Variants in ADAMTSL1 observed in about 807,000 individuals in gnomAD.
The protein encoded by ADAMTSL1 is ADAMTS-like protein 1.
A neutral mutation model predicts 201.8 loss-of-function variants in ADAMTSL1; 126 were observed. That is an observed-to-expected ratio of 0.62 (90% CI 0.54 to 0.72). The LOEUF (loss-of-function observed/expected upper bound fraction) is 0.72, where lower values mean the gene tolerates loss of function less well. ADAMTSL1 is among the 30% of genes least tolerant of loss of function. ADAMTSL1 has a pLI of 0.00. For synonymous variants in ADAMTSL1, 1,121 were observed against 903.4 expected, an observed-to-expected ratio of 1.24 and a Z score of -4.32; for missense variants, 2,679 against 2,277.8, an observed-to-expected ratio of 1.18 and a Z score of -3.59.
intron 2 of ADAMTSL1, among the ~76,000 whole-genome samples, chr9:18,436,083 A>C (rs1328356239): frequency 1.3e-5 from 2 of 152,232 alleles, no homozygotes; most frequent in African/African-American, 4.8e-5. Flanking sequence ...AGCAAGAACC[A>C]GATTTAACAG....
chr9:18,039,656 G>T (rs1187901241), intron 1 of ADAMTSL1, among the ~76,000 whole-genome samples: 1 of 152,054 alleles, frequency 6.6e-6, no homozygotes, highest in South Asian at 2.1e-4. Context: ...TTTAGACTGG[G>T]AAAAGTCAAG....
intron 2 of ADAMTSL1, among the ~76,000 whole-genome samples, chr9:18,521,417 C>G (rs933046050): frequency 1.5e-4 from 23 of 150,970 alleles, no homozygotes; most frequent in African/African-American, 5.6e-4. Flanking sequence ...CTTCTGCACC[C>G]CATAAATACA....
chr9:17,950,747 A>G (rs1046675570), intron 1 of ADAMTSL1, among the ~76,000 whole-genome samples: 10 of 152,266 alleles, frequency 6.6e-5, no homozygotes, highest in Middle Eastern at 3.4e-3. Context: ...CTGAAAACAG[A>G]TGGCACGGCA....
At chr9:18,484,509 T>C (rs1257008404) in intron 1 of ADAMTSL1, among the ~76,000 whole-genome samples, 1 of 152,202 alleles carries the variant, frequency 6.6e-6, no homozygotes, top group Non-Finnish European at 1.5e-5. Context: ...AACCTAAGCT[T>C]AATGGGTGTA....
chr9:18,552,749 G>A (rs114905024), intron 3 of ADAMTSL1, among the ~76,000 whole-genome samples: 63 of 151,690 alleles, frequency 4.2e-4, no homozygotes, highest in African/African-American at 1.5e-3. Context: ...TTCTGAAGAA[G>A]CTAATCTTTC....
Position 18,425,993 on chromosome 9 carries a change from C to T in ADAMTSL1, c.208-78836C>T, listed in dbSNP as rs16936673. ...GAGAGAAAAATTTCCCAGAAAAGTG[C>T]CAACCCGTTTAGCATCAGATGTGGG... On this transcript the variant is annotated intron_variant, in intron 2 of 29. Coordinates refer to the ADAMTSL1 transcript ENST00000680146. 1.0e-2 allele frequency among the ~76,000 whole-genome samples: 1,520 copies of T among 152,142 alleles called. 29 individuals are homozygous for T. Among genetic ancestry groups the T allele is most frequent in the African/African-American group, 0.036 (1,480 of 41,508 alleles).
Position 18,287,833 on chromosome 9 carries a change from A to G in ADAMTSL1, c.207+123852A>G, listed in dbSNP as rs149562066. Among the ~76,000 whole-genome samples, 31 of 152,322 alleles carry G rather than the reference A, an allele frequency of 2.0e-4. No homozygotes were observed. The East Asian group carries it at 5.8e-3, about 28-fold the overall frequency. ...CATAGTGGAACACTAATATAATCAT[A>G]GTAAATTATATTACTGTCAAACTAT... On this transcript the variant is annotated intron_variant, in intron 2 of 29. Transcript: ENST00000680146.
At chr9:17,922,086 G>GT (rs1826325317) in intron 1 of ADAMTSL1, among the ~76,000 whole-genome samples, 17 of 42,666 alleles carry the variant, frequency 4.0e-4, no homozygotes, top group South Asian at 1.3e-3. Flanking sequence ...TGCAGTTCAG[G>GT]CTTTTTTTTT....
At chr9:18,671,938 G>A (rs775512219) in intron 9 of ADAMTSL1, among the ~76,000 whole-genome samples, 2 of 152,196 alleles carry the variant, frequency 1.3e-5, no homozygotes, top group African/African-American at 4.8e-5. Flanking sequence ...TCAGGAGGCC[G>A]AGGCAGGAGA....
chr9:18,058,454 A>G (rs1443072468), intron 1 of ADAMTSL1, among the ~76,000 whole-genome samples: 1 of 152,252 alleles, frequency 6.6e-6, no homozygotes, highest in Non-Finnish European at 1.5e-5. Context: ...GATAAATATT[A>G]CATCGCATTG....
At chr9:18,240,400 A>G (rs1250500883) in intron 2 of ADAMTSL1, among the ~76,000 whole-genome samples, 1 of 151,674 alleles carries the variant, frequency 6.6e-6, no homozygotes, top group Non-Finnish European at 1.5e-5. Context: ...TTAGTAAACC[A>G]TGCTATAAAT....
intron 3 of ADAMTSL1, among the ~76,000 whole-genome samples, chr9:18,566,535 A>T (rs1452260437): frequency 6.6e-6 from 1 of 152,194 alleles, no homozygotes; most frequent in African/African-American, 2.4e-5. Context: ...TAGGCAGCCT[A>T]AGCTTTGTGG....
chr9:18,874,841 G>A (rs1203004838), intron 23 of ADAMTSL1, among the ~76,000 whole-genome samples: 2 of 152,030 alleles, frequency 1.3e-5, no homozygotes, highest in African/African-American at 4.8e-5. Context: ...AGTAGGATTG[G>A]TACTAACTGT....
intron 2 of ADAMTSL1, among the ~76,000 whole-genome samples, chr9:18,175,075 T>C (rs1244247732): frequency 1.3e-5 from 2 of 152,188 alleles, no homozygotes; most frequent in Admixed American, 1.3e-4. Flanking sequence ...AAATGTGGGA[T>C]TTGATATCAA....
intron 7 of ADAMTSL1, among the ~76,000 whole-genome samples, chr9:18,656,642 A>AAG (rs1554723573): frequency 2.0e-5 from 3 of 151,716 alleles, no homozygotes; most frequent in Non-Finnish European, 2.9e-5. Context: ...AAAAAAAAAA[A>AAG]AAAGAAAATG....
At chr9:18,843,712 T>G (rs934623822) in intron 23 of ADAMTSL1, among the ~76,000 whole-genome samples, 1 of 150,930 alleles carries the variant, frequency 6.6e-6, no homozygotes, top group Admixed American at 6.6e-5. Flanking sequence ...AGTCCCATAT[T>G]TCTTGGAGGC....
rs73643280 is a variant in ADAMTSL1, at chr9:18,497,284, T to C, written c.64-7545T>C. Among the ~76,000 whole-genome samples, 381 of 152,306 alleles carry C rather than the reference T, an allele frequency of 2.5e-3. 2 individuals carry two copies. The highest frequency in any genetic ancestry group is 8.7e-3 in the African/African-American group (363 of 41,572). ...TCAAAAACATGAAATAAATGAATTTTTTTAAATGACTGTAGTTTCTACAGG... is the reference window on the plus strand; with the variant it reads ...TCAAAAACATGAAATAAATGAATTTCTTTAAATGACTGTAGTTTCTACAGG... On this transcript the variant is annotated intron_variant, in intron 1 of 28. Coordinates refer to ENST00000380548, the MANE Select transcript of ADAMTSL1 (RefSeq NM_001040272.6).
At chr9:18,603,945 C>T (rs1306056254) in intron 4 of ADAMTSL1, among the ~76,000 whole-genome samples, 2 of 152,226 alleles carry the variant, frequency 1.3e-5, no homozygotes, top group Admixed American at 1.3e-4. Context: ...GCAATCTTTA[C>T]TTTCTGCAGA....
At chr9:18,093,705 T>C (rs1824124053) in intron 1 of ADAMTSL1, among the ~76,000 whole-genome samples, 1 of 152,186 alleles carries the variant, frequency 6.6e-6, no homozygotes, top group African/African-American at 2.4e-5. Flanking sequence ...TTTTTAGCCA[T>C]CCCTGGGTTT....
Sources: allele counts gnomAD v4.1 joint callset (sites outside exome capture counted in the v4.1 genomes callset), GRCh38; gene constraint gnomAD v4.1.1; transcripts MANE v1.5; gene names NCBI Gene and HGNC (gene_info 2026-07-23, HGNC 2026-07-21).